The following INSIG2 variants were observed in gnomAD, a reference collection of about 807,000 sequenced individuals.
INSIG2 encodes the protein insulin-induced gene 2 protein.
A neutral mutation model predicts 27.2 loss-of-function variants in INSIG2; 10 were observed. The ratio of observed to expected loss-of-function variants is 0.37; its 90% CI spans 0.23 to 0.62. The LOEUF is 0.62. Among genes scored for constraint, INSIG2 ranks in the 20% least tolerant of loss-of-function variants. The pLI is 0.65. For missense variants in INSIG2, 178 were observed against 270.2 expected (o/e 0.66, Z 2.39); for synonymous variants, 97 against 95.8 (o/e 1.01, Z -0.07).
intron 2 of INSIG2, among the ~76,000 whole-genome samples, chr2:118,098,575 A>G (rs370588306): frequency 5.3e-4 from 80 of 152,318 alleles, no homozygotes; most frequent in African/African-American, 1.8e-3. Flanking sequence ...TGCCAGACCT[A>G]GATGGAATTC....
rs70949913 is a variant in INSIG2 at position 118,100,373 on chromosome 2, C to CTTTT, written c.245-2804_245-2801dup. ...TTGGAATCGTATCTTACTCTTTTGC[C>CTTTT]TTTTTTTTTTTTTTTTTTTTTTTGA... On this transcript the variant is annotated intron_variant, in intron 2 of 5. Coordinates refer to ENST00000245787, the MANE Select transcript of INSIG2 (RefSeq NM_016133.4). Among the ~76,000 whole-genome samples, 335 of 81,522 alleles carry CTTTT rather than the reference C, an allele frequency of 4.1e-3. 7 individuals carry two copies. The highest frequency in any genetic ancestry group is 5.0e-3 in the Non-Finnish European group (231 of 46,604). 53.5% of individuals were successfully genotyped at this position (81,522 alleles called of 152,430 possible).
intron 1 of INSIG2, among the ~76,000 whole-genome samples, chr2:118,090,264 C>T (rs1678193106): frequency 6.6e-6 from 1 of 152,112 alleles, no homozygotes. Flanking sequence ...ACTTCTTTTA[C>T]GGCTAATCAT....
chr2:118,094,883 G>A (rs1223025723), intron 1 of INSIG2, among the ~76,000 whole-genome samples: 1 of 152,194 alleles, frequency 6.6e-6, no homozygotes, highest in Non-Finnish European at 1.5e-5. Flanking sequence ...CAGAGGAAAT[G>A]TATAAATTTT....
intron 3 of INSIG2, among the ~76,000 whole-genome samples, chr2:118,105,330 C>T (rs1573577265): frequency 1.3e-5 from 2 of 152,174 alleles, no homozygotes; most frequent in African/African-American, 4.8e-5. Flanking sequence ...CATGAGCCAC[C>T]GCACCTGGCC....
chr2:118,095,526 G>T (rs964422101), intron 1 of INSIG2, among the ~76,000 whole-genome samples: 3 of 152,164 alleles, frequency 2.0e-5, no homozygotes, highest in Non-Finnish European at 4.4e-5. Context: ...CACATGTCAG[G>T]TGCTTAAAAC....
chr2:118,103,742 T>C (rs1194659944), intron 3 of INSIG2, among the ~76,000 whole-genome samples: 1 of 146,066 alleles, frequency 6.8e-6, no homozygotes, highest in East Asian at 2.0e-4. Flanking sequence ...TTAAAGAAGC[T>C]TTTTTTTTTT....
rs186258303 is a variant in INSIG2, at chr2:118,095,447, G to A, written c.-138-972G>A. Among the ~76,000 whole-genome samples the A allele has an allele frequency of 1.7e-4, 26 of 152,132 alleles. No individual in the cohort carries two copies. The East Asian group carries it at 3.9e-3, about 23-fold the overall frequency. On this transcript the variant is annotated intron_variant, in intron 1 of 5. Coordinates refer to ENST00000245787, the MANE Select transcript of INSIG2 (RefSeq NM_016133.4). ...ACTTAACCTTTCTTTGCTTTTTTGC[G>A]TCACCTATAAAATGTACATAATAAT...
chr2:118,104,838 G>T (rs185687186), intron 3 of INSIG2, among the ~76,000 whole-genome samples: 2 of 152,274 alleles, frequency 1.3e-5, no homozygotes, highest in African/African-American at 4.8e-5. Context: ...TTTAAGTAGA[G>T]AAATTTAAAT....
chr2:118,109,021 A>G lies in INSIG2; in HGVS notation c.*699A>G, dbSNP rs1460809446. On this transcript the variant is annotated 3_prime_UTR_variant, in exon 6 of 6. Transcript: ENST00000245787. Reference sequence around the variant, plus strand: ...GTGATGAGCAGAAGAGGTTATCAGCATTAAATTGTTTTGGTTCTAAATTTG... The same window carrying G: ...GTGATGAGCAGAAGAGGTTATCAGCGTTAAATTGTTTTGGTTCTAAATTTG... 6.6e-6 allele frequency: 1 copy of G among 152,244 alleles called. No individual in the cohort carries two copies. The highest frequency in any genetic ancestry group is 1.5e-5 in the Non-Finnish European group (1 of 68,048). 9.4% of individuals were successfully genotyped at this position (152,244 alleles called of 1,614,324 possible).
intron 1 of INSIG2, among the ~76,000 whole-genome samples, chr2:118,092,471 T>C (rs939048333): frequency 1.3e-5 from 2 of 152,148 alleles, no homozygotes; most frequent in African/African-American, 4.8e-5. Flanking sequence ...ATAGTTGAGA[T>C]GGTATTTCAA....
At chr2:118,107,604 G>T (rs951086180) in intron 5 of INSIG2, among the ~76,000 whole-genome samples, 1 of 152,176 alleles carries the variant, frequency 6.6e-6, no homozygotes, top group African/African-American at 2.4e-5. Flanking sequence ...TGAAGGAAAA[G>T]GAAAAGGCTA....
intron 1 of INSIG2, among the ~76,000 whole-genome samples, chr2:118,088,881 G>C (rs72839614): frequency 0.25 from 37,969 of 152,108 alleles, 5,773 homozygotes; most frequent in East Asian, 0.35. Context: ...AGGTCAGCGA[G>C]CTGTCAAGCA....
intron 1 of INSIG2, among the ~76,000 whole-genome samples, chr2:118,089,610 TTCTG>T (rs958372728): frequency 6.6e-6 from 1 of 152,222 alleles, no homozygotes; most frequent in Non-Finnish European, 1.5e-5. Context: ...TCTTCCTGTT[TTCTG>T]TCTTTCATTC....
At chr2:118,093,660 T>G (rs112696514) in intron 1 of INSIG2, among the ~76,000 whole-genome samples, 4 of 50,710 alleles carry the variant, frequency 7.9e-5, no homozygotes, top group Admixed American at 2.0e-4. Flanking sequence ...CAGATGATGA[T>G]GATGAGGAGG....
intron 2 of INSIG2, among the ~76,000 whole-genome samples, chr2:118,097,172 A>AT (rs5833734): frequency 0.99 from 151,516 of 152,352 alleles, 75,346 homozygotes; most frequent in Middle Eastern, 1. Flanking sequence ...CTTCTGTCTC[A>AT]TTCTATCTGT....
rs370518545 is a variant in INSIG2, at chr2:118,106,922, A to T, written c.536+19A>T. 5 of 1,610,844 alleles carry T rather than the reference A, an allele frequency of 3.1e-6. No individual in the cohort carries two copies. The highest frequency in any genetic ancestry group is 4.2e-6 in the Non-Finnish European group (5 of 1,177,736). ...TTTACCAGTAAGTATTAATCCTTCA[A>T]TTTTTGGTGCTTGTTTGCTAGATAA... On this transcript the variant is annotated intron_variant, in intron 4 of 5. Transcript: ENST00000245787.
intron 2 of INSIG2, among the ~76,000 whole-genome samples, chr2:118,102,208 A>T (rs2104534536): frequency 6.6e-6 from 1 of 152,348 alleles, no homozygotes; most frequent in Non-Finnish European, 1.5e-5. Context: ...CAACATAATC[A>T]TCCTGTTTTT....
intron 1 of INSIG2, among the ~76,000 whole-genome samples, chr2:118,093,067 C>T (rs1469148772): frequency 8.5e-4 from 81 of 95,106 alleles, no homozygotes; most frequent in African/African-American, 3.0e-3. Context: ...TGAACCTTGC[C>T]AAAAGCAACC....
chr2:118,091,299 G>A (rs992762038), intron 1 of INSIG2, among the ~76,000 whole-genome samples: 45 of 152,154 alleles, frequency 3.0e-4, no homozygotes, highest in African/African-American at 1.1e-3. Context: ...TGGTTTTGTG[G>A]ACGCCTCTAT....
Sources: allele counts gnomAD v4.1 joint callset (sites outside exome capture counted in the v4.1 genomes callset), GRCh38; gene constraint gnomAD v4.1.1; transcripts MANE v1.5; gene names NCBI Gene and HGNC (gene_info 2026-07-23, HGNC 2026-07-21).